Variants in ZAR1L observed in about 807,000 individuals in gnomAD.
ZAR1L encodes protein ZAR1-like.
A neutral mutation model predicts 30.0 loss-of-function variants in ZAR1L; 16 were observed. That is an observed-to-expected ratio of 0.53 (90% CI 0.36 to 0.81). ZAR1L has a LOEUF of 0.81. ZAR1L is among the 30% of genes least tolerant of loss of function. The pLI, the probability that ZAR1L is intolerant of heterozygous loss-of-function variation, is 0.00. For synonymous variants in ZAR1L, 197 were observed against 166.8 expected, an observed-to-expected ratio of 1.18 and a Z score of -1.40; for missense variants, 392 against 417.2, an observed-to-expected ratio of 0.94 and a Z score of 0.53.
In ZAR1L at chr13:32,311,974, G is replaced by C; in HGVS notation, c.-49C>G. ...GTCTAATATCCTAGCCAGTTTGTTT[G>C]GGTCCTTATTTTGCCTTCCTCCTTC... On this transcript the variant is annotated 5_prime_UTR_variant, in exon 3 of 6. Coordinates refer to ENST00000533490, the MANE Select transcript of ZAR1L (RefSeq NM_001136571.2). 1 of 1,476,284 alleles carries C rather than the reference G, an allele frequency of 6.8e-7. No homozygotes were observed. Among genetic ancestry groups the C allele is most frequent in the South Asian group, 1.4e-5 (1 of 71,812 alleles). The allele number at this position is 1,476,284 out of a possible 1,614,324, so 91.4% of individuals were successfully genotyped here.
chr13:32,311,747 A>T lies in ZAR1L; in HGVS notation c.179T>A (p.Ile60Asn). 6.4e-7 allele frequency: 1 copy of T among 1,551,622 alleles called. No individual in the cohort carries two copies. The highest frequency in any genetic ancestry group is 8.7e-7 in the Non-Finnish European group (1 of 1,146,990). ...AAGCTGCGCCCTCTTGTAAGGGTCA[A>T]TGCAGTAGTCAGGGGCGTTCGCGGG... is the stretch of plus-strand genomic sequence containing the variant. ...LVPANAPDYC[I>N]DPYKRAQLKA... Residue 60 changes from isoleucine (I) to asparagine (N), a missense_variant, in exon 3 of 6, where the codon ATT (isoleucine) becomes AAT (asparagine). Ile to Asn is a moderately radical substitution (Grantham distance 149). Transcript: ENST00000533490.
In ZAR1L at chr13:32,312,015, C is replaced by G; in HGVS notation, c.-90G>C. On this transcript the variant is annotated 5_prime_UTR_variant, in exon 3 of 6. Coordinates refer to ENST00000533490, the MANE Select transcript of ZAR1L (RefSeq NM_001136571.2). ...TTCCTCCTTCATCCGCCCCTTCTTTCTCTTCATCAGGTTGGTTCAGATTCA... is the reference window on the plus strand; with the variant it reads ...TTCCTCCTTCATCCGCCCCTTCTTTGTCTTCATCAGGTTGGTTCAGATTCA... 1 of 1,382,468 alleles carries G rather than the reference C, an allele frequency of 7.2e-7. No homozygotes were observed. The allele number at this position is 1,382,468 out of a possible 1,614,324, so 85.6% of individuals were successfully genotyped here. A position where few individuals can be genotyped will look rare whatever the true frequency, so the allele number is the denominator to read the frequency against.
At chr13:32,309,043 T>C (rs1227093356) in intron 4 of ZAR1L, among the ~76,000 whole-genome samples, 2 of 150,892 alleles carry the variant, frequency 1.3e-5, no homozygotes, top group Admixed American at 6.7e-5. Flanking sequence ...CAGTCTGGAG[T>C]GCAATGGTGG....
intron 2 of ZAR1L, 77 bp from the exon 3 acceptor site, chr13:32,312,170 C>T (rs936553234): frequency 6.2e-6 from 3 of 481,402 alleles, no homozygotes; most frequent in African/African-American, 5.9e-5. Flanking sequence ...TTCCCTACCT[C>T]TTCACTGTTC....
Position 32,311,808 on chromosome 13 carries a change from G to A in ZAR1L, c.118C>T (p.Pro40Ser). 3 of 1,551,680 alleles carry A rather than the reference G, an allele frequency of 1.9e-6. No individual in the cohort carries two copies. The highest frequency in any genetic ancestry group is 2.4e-5 in the South Asian group (2 of 84,062). Residue 40 changes from proline (P) to serine (S), a missense_variant, in exon 3 of 6, where the codon CCT becomes TCT. Pro to Ser is a moderately conservative substitution (Grantham distance 74). Transcript: ENST00000533490. ...KQPDWRQNMG[P>S]PTFLARPGLL... ...CCTGGCCTGGCCAGAAAAGTGGGAG[G>A]ACCCATATTTTGCCTCCAGTCGGGC...
chr13:32,307,959 T>A (rs1173465077), intron 5 of ZAR1L, among the ~76,000 whole-genome samples: 1 of 152,072 alleles, frequency 6.6e-6, no homozygotes, highest in Admixed American at 6.6e-5. Context: ...CCTGCCACCA[T>A]GTCTGCCTAA....
intron 4 of ZAR1L, 149 bp from the exon 5 acceptor site, chr13:32,308,909 C>G (rs1428590986): frequency 3.3e-6 from 2 of 598,156 alleles, no homozygotes; most frequent in Non-Finnish European, 3.0e-6. Flanking sequence ...CCAACCTCTA[C>G]CCTTGGGGTT....
intron 5 of ZAR1L, among the ~76,000 whole-genome samples, chr13:32,305,087 A>G (rs1346406827): frequency 6.6e-6 from 1 of 152,166 alleles, no homozygotes; most frequent in Non-Finnish European, 1.5e-5. Flanking sequence ...CTGGGATTAC[A>G]AGAGTGAGCC....
At position 32,308,676 on chromosome 13, in the gene ZAR1L, A is replaced by G. The variant is rs190791216; in HGVS notation, c.822+10T>C. The G allele has an allele frequency of 9.2e-5, 143 of 1,546,208 alleles. No homozygotes were observed. In the African/African-American group the frequency reaches 1.7e-3, roughly 18 times the overall value. On this transcript the variant is annotated intron_variant, in intron 5 of 5. Transcript: ENST00000533490. ...AACATAGACACAATGGAAGTGTTCC[A>G]TATGCTCACCTGACATTGGATTGCT... is the stretch of plus-strand genomic sequence containing the variant.
chr13:32,312,591 A>T (rs1487081242), intron 2 of ZAR1L, among the ~76,000 whole-genome samples: 1 of 152,154 alleles, frequency 6.6e-6, no homozygotes, highest in Non-Finnish European at 1.5e-5. Flanking sequence ...AAAACAGGAG[A>T]TCCTGGCCAG....
At chr13:32,314,810 C>CCATT (rs1190107583) in intron 1 of ZAR1L, among the ~76,000 whole-genome samples, 2 of 152,162 alleles carry the variant, frequency 1.3e-5, no homozygotes, top group Non-Finnish European at 2.9e-5. Context: ...GGAGATTGCG[C>CCATT]CATTGCACAC....
intron 4 of ZAR1L, among the ~76,000 whole-genome samples, chr13:32,309,542 G>A (rs2072198764): frequency 6.6e-6 from 1 of 152,074 alleles, no homozygotes; most frequent in African/African-American, 2.4e-5. Flanking sequence ...TGCCTTGCTT[G>A]GTGAACTCTT....
intron 5 of ZAR1L, among the ~76,000 whole-genome samples, chr13:32,306,949 A>AAAAAG (rs1213294006): frequency 4.0e-5 from 6 of 150,984 alleles, no homozygotes; most frequent in Non-Finnish European, 7.4e-5. Flanking sequence ...AAAAAAAAAA[A>AAAAAG]AAAAGATATC....
chr13:32,304,047 G>T, intron 5 of ZAR1L, 25 bp from the exon 6 acceptor site: 2 of 1,547,074 alleles, frequency 1.3e-6, no homozygotes, highest in Non-Finnish European at 1.7e-6. Context: ...GAAGAGTTTG[G>T]ACGCTAAATG....
chr13:32,312,041 T>C lies in ZAR1L; in HGVS notation c.-116A>G, dbSNP rs1302606231. ...TCTTCATCAGGTTGGTTCAGATTCA[T>C]TCCTGGCTTCTCCATTTATTTCAGA... On this transcript the variant is annotated 5_prime_UTR_variant, in exon 3 of 6. An upstream start codon of the reference 5' UTR is lost. Coordinates refer to ENST00000533490, the MANE Select transcript of ZAR1L (RefSeq NM_001136571.2). 3 of 1,178,900 alleles carry C rather than the reference T, an allele frequency of 2.5e-6. No individual in the cohort carries two copies. Among genetic ancestry groups the C allele is most frequent in the South Asian group, 1.6e-5 (1 of 61,248 alleles). The allele number at this position is 1,178,900 out of a possible 1,614,324, so 73.0% of individuals were successfully genotyped here.
At chr13:32,308,286 T>A (rs2072190166) in intron 5 of ZAR1L, among the ~76,000 whole-genome samples, 1 of 152,230 alleles carries the variant, frequency 6.6e-6, no homozygotes. Context: ...GGAAAGTTAT[T>A]TTGAACTTAG....
intron 2 of ZAR1L, among the ~76,000 whole-genome samples, chr13:32,312,554 T>C (rs2072221638): frequency 6.6e-6 from 1 of 152,168 alleles, no homozygotes; most frequent in South Asian, 2.1e-4. Context: ...TGGCATGTAT[T>C]TATACAATGG....
chr13:32,306,798 G>A (rs558285207), intron 5 of ZAR1L, among the ~76,000 whole-genome samples: 1 of 152,006 alleles, frequency 6.6e-6, no homozygotes, highest in Non-Finnish European at 1.5e-5. Context: ...GGGCGTGGTG[G>A]CATGTGCCTG....
intron 4 of ZAR1L, 68 bp from the exon 5 acceptor site, chr13:32,308,828 G>C (rs1019583194): frequency 9.5e-7 from 1 of 1,056,716 alleles, no homozygotes; most frequent in African/African-American, 1.6e-5. Context: ...AAGGCTCCCA[G>C]TTCTTAAGTA....
Sources: gnomAD v4.1 joint callset for allele counts (sites outside exome capture counted in the v4.1 genomes callset) on GRCh38, gnomAD v4.1.1 for gene constraint, MANE v1.5 for transcripts, NCBI Gene and HGNC (gene_info 2026-07-23, HGNC 2026-07-21) for gene names.